CA6: variants seen among roughly 807,000 people sequenced by gnomAD.
CA6 encodes the protein carbonic anhydrase 6, also known as carbonate dehydratase VI.
CA6 carries 28 observed loss-of-function variants against 35.9 expected under a neutral mutation model. That is an observed-to-expected ratio of 0.78 (90% confidence interval 0.58 to 1.07). CA6 has a LOEUF of 1.07. CA6 is among the 50% of genes least tolerant of loss of function. CA6 has a pLI of 0.00. For missense variants in CA6, 377 were observed against 382.0 expected, an observed-to-expected ratio of 0.99 and a Z score of 0.11; for synonymous variants, 148 against 152.6, an observed-to-expected ratio of 0.97 and a Z score of 0.22.
intron 6 of CA6, 96 bp downstream of exon 6, chr1:8,967,912 G>T (rs1160435413): frequency 8.9e-7 from 1 of 1,124,712 alleles, no homozygotes; most frequent in Non-Finnish European, 1.3e-6. Context: ...ACAACTAAGG[G>T]GTCCTACAGT....
rs200899616 is a variant in CA6, at chr1:8,973,704, TTCTCTC to T, written c.845-914_845-909del. On this transcript the variant is annotated intron_variant, in intron 7 of 7. Coordinates refer to ENST00000377443, the MANE Select transcript of CA6 (RefSeq NM_001215.4). Reference sequence around the variant, plus strand: ...CCTTCCCTCAGGCCTGGATTTTTCTTTCTCTCTCTTTCTTTCTTTCTTTCTTTCTTT... The same window carrying T: ...CCTTCCCTCAGGCCTGGATTTTTCTTTCTTTCTTTCTTTCTTTCTTTCTTT... 9.2e-3 allele frequency among the ~76,000 whole-genome samples: 1,161 copies of T among 126,818 alleles called. 27 individuals carry two copies. Among genetic ancestry groups the T allele is most frequent in the African/African-American group, 0.034 (1,096 of 31,992 alleles). The allele number at this position is 126,818 out of a possible 152,430, so 83.2% of individuals were successfully genotyped here.
rs1192280559 is a variant in CA6, at chr1:8,963,773, T to A, written c.571+1117T>A. Among the ~76,000 whole-genome samples, 1 of 152,178 alleles carries A rather than the reference T, an allele frequency of 6.6e-6. No homozygotes were observed. Among genetic ancestry groups the A allele is most frequent in the Non-Finnish European group, 1.5e-5 (1 of 68,016 alleles). ...TCAGGCTGGTCTTGAACTCCTGGGCTCAAGTGATCTGCCTGCCTCAACTTC... is the reference window on the plus strand; with the variant it reads ...TCAGGCTGGTCTTGAACTCCTGGGCACAAGTGATCTGCCTGCCTCAACTTC... On this transcript the variant is annotated intron_variant, in intron 5 of 7. Transcript: ENST00000377443. This position sits in a 1 kb window ranked among gnomAD's most constrained non-coding sequence, Gnocchi z 4.1.
intron 5 of CA6, among the ~76,000 whole-genome samples, chr1:8,965,270 C>T (rs1639940439): frequency 6.6e-6 from 1 of 151,982 alleles, no homozygotes; most frequent in African/African-American, 2.4e-5. Context: ...AACAAACTTA[C>T]CCCTTAAACC....
At chr1:8,958,019 T>G (rs1305956028) in intron 3 of CA6, among the ~76,000 whole-genome samples, 1 of 152,110 alleles carries the variant, frequency 6.6e-6, no homozygotes, top group Non-Finnish European at 1.5e-5. Flanking sequence ...TATTTTTTAT[T>G]CACTCAGCAA....
chr1:8,968,655 A>T (rs1171533540), intron 6 of CA6, among the ~76,000 whole-genome samples: 1 of 152,140 alleles, frequency 6.6e-6, no homozygotes, highest in Non-Finnish European at 1.5e-5. Context: ...AAAGTATAAA[A>T]ATGGACATCC....
chr1:8,974,368 G>A (rs769991497), intron 7 of CA6: 8 of 1,531,414 alleles, frequency 5.2e-6, no homozygotes, highest in Admixed American at 2.1e-5. Context: ...GGGGGGCATC[G>A]TGGGAGAAGC....
At chr1:8,957,333 C>T in intron 3 of CA6, 48 bp downstream of exon 3, 4 of 1,529,390 alleles carry the variant, frequency 2.6e-6, no homozygotes, top group Middle Eastern at 1.8e-4. Context: ...ACCCCATAGT[C>T]ACTTTTCTTT....
chr1:8,953,910 A>T (rs1319308583), intron 2 of CA6, among the ~76,000 whole-genome samples: 2 of 152,152 alleles, frequency 1.3e-5, no homozygotes, highest in Admixed American at 1.3e-4. Flanking sequence ...GCAGTAAAGA[A>T]GCCTGACAAA....
chr1:8,957,958 C>G (rs1639734828), intron 3 of CA6, among the ~76,000 whole-genome samples: 1 of 152,016 alleles, frequency 6.6e-6, no homozygotes, highest in Admixed American at 6.6e-5. Context: ...CAAACAAAAA[C>G]AGCCAAAAGA....
chr1:8,959,218 G>A (rs906417764), intron 4 of CA6, among the ~76,000 whole-genome samples: 1 of 152,120 alleles, frequency 6.6e-6, no homozygotes, highest in Admixed American at 6.5e-5. Context: ...TGACTTAAAA[G>A]AGCTGGAATC....
intron 5 of CA6, among the ~76,000 whole-genome samples, chr1:8,965,806 G>A (rs1639952277): frequency 6.6e-6 from 1 of 150,920 alleles, no homozygotes; most frequent in East Asian, 2.0e-4. Flanking sequence ...AGAATCGCTT[G>A]AACCCGGGAG....
At chr1:8,950,163 A>G (rs747809224) in intron 2 of CA6, among the ~76,000 whole-genome samples, 145 of 151,838 alleles carry the variant, frequency 9.5e-4, no homozygotes, top group Non-Finnish European at 1.6e-3. Flanking sequence ...TTGTATTTTT[A>G]GTAGAGACGA....
At chr1:8,965,212 C>A (rs1237862374) in intron 5 of CA6, among the ~76,000 whole-genome samples, 1 of 152,126 alleles carries the variant, frequency 6.6e-6, no homozygotes, top group East Asian at 1.9e-4. Context: ...TCGCTGCACT[C>A]CAGCCTGGAC....
chr1:8,947,998 C>T (rs1227256662), intron 1 of CA6, among the ~76,000 whole-genome samples: 1 of 152,054 alleles, frequency 6.6e-6, no homozygotes, highest in Non-Finnish European at 1.5e-5. Flanking sequence ...GCATGTGCCA[C>T]CATGCCCGGC....
chr1:8,955,421 G>A (rs1231953362), intron 2 of CA6, among the ~76,000 whole-genome samples: 2 of 152,128 alleles, frequency 1.3e-5, no homozygotes, highest in African/African-American at 4.8e-5. Context: ...TCAGGGTTGT[G>A]GCTCTTTTCC....
intron 2 of CA6, among the ~76,000 whole-genome samples, chr1:8,953,189 A>G (rs1639586510): frequency 6.6e-6 from 1 of 152,084 alleles, no homozygotes; most frequent in South Asian, 2.1e-4. Flanking sequence ...AGTTTCCTCC[A>G]TGTCTTTTCA....
rs1481599096 is a variant in CA6 at position 8,970,977 on chromosome 1, TCAGGGTG to T, written c.841_844+3del. On this transcript the variant is annotated splice_donor_variant and splice_donor_region_variant and coding_sequence_variant and intron_variant, in exon 7 of 8. Coordinates refer to ENST00000377443, the MANE Select transcript of CA6 (RefSeq NM_001215.4). LOFTEE classifies it high-confidence loss of function. ...GAGTGGTGGAATCCAACTTCCCGAATCAGGGTGAGTGAGACCGACTCTTGATCATGCT... is the reference window on the plus strand; with the variant it reads ...GAGTGGTGGAATCCAACTTCCCGAATAGTGAGACCGACTCTTGATCATGCT... The T allele has an allele frequency of 6.2e-7, 1 of 1,603,026 alleles. No homozygotes were observed. The highest frequency in any genetic ancestry group is 1.7e-5 in the Admixed American group (1 of 59,986).
intron 2 of CA6, among the ~76,000 whole-genome samples, chr1:8,955,385 C>CT (rs1204782637): frequency 6.6e-6 from 1 of 152,016 alleles, no homozygotes; most frequent in Non-Finnish European, 1.5e-5. Context: ...CAATTAAAAT[C>CT]TTTTTTAAAA....
At chr1:8,959,487 G>A (rs1298502967) in intron 4 of CA6, among the ~76,000 whole-genome samples, 4 of 151,650 alleles carry the variant, frequency 2.6e-5, no homozygotes, top group African/African-American at 9.7e-5. Context: ...GCTAATTTTT[G>A]TATTTTTAGT....
Sources: gnomAD v4.1 joint callset for allele counts (sites outside exome capture counted in the v4.1 genomes callset) on GRCh38, gnomAD v4.1.1 for gene constraint, Gnocchi (gnomAD v3.1) non-coding constraint, MANE v1.5 for transcripts, NCBI Gene and HGNC (gene_info 2026-07-23, HGNC 2026-07-21) for gene names.